REDIC1: variants seen among roughly 807,000 people sequenced by gnomAD.
REDIC1 encodes the protein HEI10 Interacting Protein 1.
the REDIC1 span, among the ~76,000 whole-genome samples, chr12:39,681,822 GTTA>G: frequency 2.3e-4 from 35 of 152,176 alleles, no homozygotes; most frequent in Non-Finnish European, 4.6e-4. Flanking sequence ...TTTAAAAATA[GTTA>G]TTAGAGTTTT....
At chr12:39,894,271 CT>C in the REDIC1 span, among the ~76,000 whole-genome samples, 1 of 152,142 alleles carries the variant, frequency 6.6e-6, no homozygotes, top group African/African-American at 2.4e-5. Context: ...TTTTATTTGG[CT>C]TTATGTTGCT....
the REDIC1 span, among the ~76,000 whole-genome samples, chr12:39,696,100 G>C: frequency 1.3e-5 from 2 of 152,006 alleles, no homozygotes; most frequent in Admixed American, 6.6e-5. Flanking sequence ...AGTCCTTTTT[G>C]TATTCCTGGA....
the REDIC1 span, among the ~76,000 whole-genome samples, chr12:39,876,977 G>C: frequency 2.6e-5 from 4 of 152,134 alleles, no homozygotes; most frequent in African/African-American, 9.6e-5. Context: ...ATGTTCTTTA[G>C]CTCTTTTAGT....
the REDIC1 span, among the ~76,000 whole-genome samples, chr12:39,735,829 C>T: frequency 6.6e-6 from 1 of 152,190 alleles, no homozygotes; most frequent in Non-Finnish European, 1.5e-5. Flanking sequence ...CTATAGCAAC[C>T]TTACAGGAAA....
the REDIC1 span, among the ~76,000 whole-genome samples, chr12:39,698,243 G>A: frequency 6.6e-6 from 1 of 152,162 alleles, no homozygotes; most frequent in Admixed American, 6.5e-5. Context: ...GAGGTAGTTA[G>A]GCCATGAGTG....
chr12:39,792,974 C>T, the REDIC1 span, among the ~76,000 whole-genome samples: 1 of 152,078 alleles, frequency 6.6e-6, no homozygotes, highest in South Asian at 2.1e-4. Context: ...TCTACATTTT[C>T]CTTTATGCCC....
At chr12:39,736,721 T>A in the REDIC1 span, 1 of 152,222 alleles carries the variant, frequency 6.6e-6, no homozygotes, top group Non-Finnish European at 1.5e-5. Context: ...ACACATGCCG[T>A]GGGTATCCTG....
At chr12:39,838,927 G>T in the REDIC1 span, among the ~76,000 whole-genome samples, 1 of 152,088 alleles carries the variant, frequency 6.6e-6, no homozygotes, top group Non-Finnish European at 1.5e-5. Flanking sequence ...CCTGTCTCTA[G>T]AATGCCCTAA....
the REDIC1 span, among the ~76,000 whole-genome samples, chr12:39,809,993 A>G: frequency 1.3e-5 from 2 of 152,212 alleles, no homozygotes; most frequent in Admixed American, 6.5e-5. Context: ...TTATAGCAGC[A>G]TGATTTATAA....
the REDIC1 span, among the ~76,000 whole-genome samples, chr12:39,695,459 T>C: frequency 6.6e-6 from 1 of 152,168 alleles, no homozygotes; most frequent in East Asian, 1.9e-4. Flanking sequence ...ACTGGTACGC[T>C]GGCAGTACTC....
chr12:39,744,100 C>CA, the REDIC1 span, among the ~76,000 whole-genome samples: 44 of 149,486 alleles, frequency 2.9e-4, no homozygotes, highest in East Asian at 7.8e-4. Flanking sequence ...AGATCCAAAG[C>CA]AAAAAAAAAG....
the REDIC1 span, among the ~76,000 whole-genome samples, chr12:39,791,066 T>A: frequency 1.4e-5 from 2 of 142,830 alleles, no homozygotes; most frequent in South Asian, 4.7e-4. Context: ...TTGATGGGGT[T>A]GTTTGTTTTT....
chr12:39,703,457 A>G, the REDIC1 span, among the ~76,000 whole-genome samples: 1 of 150,784 alleles, frequency 6.6e-6, no homozygotes, highest in Non-Finnish European at 1.5e-5. Flanking sequence ...ATGGAAGAAC[A>G]TTCCATGCTC....
chr12:39,704,050 A>T, the REDIC1 span, among the ~76,000 whole-genome samples: 1 of 152,236 alleles, frequency 6.6e-6, no homozygotes, highest in African/African-American at 2.4e-5. Context: ...AAGCAATGGC[A>T]ACAAAAGCCA....
At chr12:39,696,340 G>A in the REDIC1 span, among the ~76,000 whole-genome samples, 150 of 151,138 alleles carry the variant, frequency 9.9e-4, 1 homozygote, top group Middle Eastern at 3.4e-3. Context: ...TCAGGAGATC[G>A]AGACCATCCC....
the REDIC1 span, among the ~76,000 whole-genome samples, chr12:39,830,855 G>A: frequency 6.6e-6 from 1 of 152,164 alleles, no homozygotes; most frequent in African/African-American, 2.4e-5. Context: ...TTTAAAAGAA[G>A]TAGGTATAGA....
chr12:39,852,828 C>T, the REDIC1 span, among the ~76,000 whole-genome samples: 1 of 152,166 alleles, frequency 6.6e-6, no homozygotes, highest in African/African-American at 2.4e-5. Flanking sequence ...AGCGGTATAA[C>T]TTTGTAACAT....
the REDIC1 span, chr12:39,647,916 T>A: frequency 6.2e-7 from 1 of 1,607,676 alleles, no homozygotes; most frequent in Non-Finnish European, 8.5e-7. Context: ...AAACTAAATT[T>A]CACATCTGGA....
the REDIC1 span, among the ~76,000 whole-genome samples, chr12:39,659,574 G>A: frequency 6.6e-6 from 1 of 152,114 alleles, no homozygotes; most frequent in South Asian, 2.1e-4. Flanking sequence ...CCCATCCAGT[G>A]TAATTTTCAT....
Sources: allele counts gnomAD v4.1 joint callset (sites outside exome capture counted in the v4.1 genomes callset), GRCh38; gene constraint gnomAD v4.1.1; transcripts MANE v1.5; gene names NCBI Gene and HGNC (gene_info 2026-07-23, HGNC 2026-07-21).